The following METTL21A variants were observed in gnomAD, a reference collection of about 807,000 sequenced individuals.
METTL21A encodes the protein protein N-lysine methyltransferase METTL21A.
A neutral mutation model predicts 20.9 loss-of-function variants in METTL21A; 22 were observed. That is an observed-to-expected ratio of 1.05 (90% CI 0.75 to 1.50). The LOEUF (loss-of-function observed/expected upper bound fraction) is 1.50. METTL21A is among the 40% of genes most tolerant of loss of function. METTL21A has a pLI of 0.00. For missense variants in METTL21A, 271 were observed against 266.8 expected, an observed-to-expected ratio of 1.02 and a Z score of -0.11; for synonymous variants, 93 against 102.0, an observed-to-expected ratio of 0.91 and a Z score of 0.53.
At chr2:207,616,717 G>A (rs538452745) in intron 3 of METTL21A, among the ~76,000 whole-genome samples, 4 of 152,198 alleles carry the variant, frequency 2.6e-5, no homozygotes, top group African/African-American at 9.6e-5. Context: ...GTGGTGGCAG[G>A]CGCCTGTAAT....
At chr2:207,595,811 C>G (rs1023390009) in intron 3 of METTL21A, among the ~76,000 whole-genome samples, 1 of 152,192 alleles carries the variant, frequency 6.6e-6, no homozygotes, top group Non-Finnish European at 1.5e-5. Flanking sequence ...TCAAGAGATT[C>G]TCCCACCTCA....
intron 3 of METTL21A, among the ~76,000 whole-genome samples, chr2:207,614,393 A>T (rs553270729): frequency 6.6e-6 from 1 of 151,216 alleles, no homozygotes; most frequent in Non-Finnish European, 1.5e-5. Context: ...AAAAAAAAAA[A>T]ATATCTGGGA....
exon 4 of METTL21A, chr2:207,613,315 C>G (rs748540257): frequency 1.9e-6 from 3 of 1,614,102 alleles, no homozygotes; most frequent in Non-Finnish European, 2.5e-6. Flanking sequence ...GAAAAACTCC[C>G]CAAATTTTGT....
At chr2:207,591,764 CCTT>C (rs906080222) in intron 3 of METTL21A, among the ~76,000 whole-genome samples, 27 of 152,182 alleles carry the variant, frequency 1.8e-4, no homozygotes, top group Middle Eastern at 3.4e-3. Context: ...TAATATATAT[CCTT>C]CTCCATCCTT....
intron 3 of METTL21A, among the ~76,000 whole-genome samples, chr2:207,618,261 A>G (rs531421335): frequency 6.6e-6 from 1 of 152,314 alleles, no homozygotes; most frequent in South Asian, 2.1e-4. Flanking sequence ...TTCTATGGAT[A>G]CAGCAGTTCC....
chr2:207,596,856 C>CCT, intron 3 of METTL21A: 1 of 1,565,722 alleles, frequency 6.4e-7, no homozygotes, highest in Non-Finnish European at 8.6e-7. Flanking sequence ...AAAAGGTAAT[C>CCT]CAAAATAAAT....
intron 3 of METTL21A, chr2:207,620,782 A>C: frequency 8.1e-7 from 1 of 1,239,078 alleles, no homozygotes; most frequent in Admixed American, 2.7e-5. Flanking sequence ...GAATTTTGGA[A>C]AGCAGCAGCT....
intron 3 of METTL21A, among the ~76,000 whole-genome samples, chr2:207,618,700 T>C (rs1223991110): frequency 1.3e-5 from 2 of 150,336 alleles, no homozygotes; most frequent in African/African-American, 2.4e-5. Context: ...AGAGTGAGAC[T>C]CCATCTCAAA....
chr2:207,590,123 A>G (rs941855218), intron 3 of METTL21A, among the ~76,000 whole-genome samples: 2 of 125,928 alleles, frequency 1.6e-5, no homozygotes, highest in Admixed American at 1.9e-4. Context: ...ATACGGGATC[A>G]TTCAGACTAT....
At chr2:207,593,859 C>A (rs2085574451) in intron 3 of METTL21A, among the ~76,000 whole-genome samples, 1 of 151,890 alleles carries the variant, frequency 6.6e-6, no homozygotes, top group Non-Finnish European at 1.5e-5. Context: ...GCTGGGATTA[C>A]AGGCACCTGC....
intron 3 of METTL21A, among the ~76,000 whole-genome samples, chr2:207,618,695 G>C (rs1289844205): frequency 1.3e-5 from 2 of 150,796 alleles, no homozygotes; most frequent in Non-Finnish European, 3.0e-5. Flanking sequence ...GTGACAGAGT[G>C]AGACTCCATC....
intron 3 of METTL21A, among the ~76,000 whole-genome samples, chr2:207,589,395 A>G (rs2084531384): frequency 6.6e-6 from 1 of 152,084 alleles, no homozygotes; most frequent in African/African-American, 2.4e-5. Flanking sequence ...TTCTACTTTT[A>G]AGAATGCTTG....
intron 2 of METTL21A, among the ~76,000 whole-genome samples, chr2:207,622,974 C>G (rs2090677908): frequency 6.6e-6 from 1 of 151,176 alleles, no homozygotes; most frequent in Non-Finnish European, 1.5e-5. Context: ...GTGGTGCAAT[C>G]CCAGCTCCCT....
intron 3 of METTL21A, among the ~76,000 whole-genome samples, chr2:207,594,918 CA>C (rs1389529466): frequency 1.3e-5 from 2 of 151,748 alleles, no homozygotes; most frequent in Non-Finnish European, 2.9e-5. Context: ...TGATAGTAGC[CA>C]TCCTAATGGT....
intron 3 of METTL21A, among the ~76,000 whole-genome samples, chr2:207,616,300 C>T (rs2089727725): frequency 6.6e-6 from 1 of 152,234 alleles, no homozygotes; most frequent in Non-Finnish European, 1.5e-5. Flanking sequence ...GAGTCATCTG[C>T]ACATCACCTC....
intron 3 of METTL21A, among the ~76,000 whole-genome samples, chr2:207,591,022 A>G (rs1387384032): frequency 1.3e-5 from 2 of 152,186 alleles, no homozygotes; most frequent in East Asian, 3.8e-4. Context: ...CAAATAATCG[A>G]GGATCTTCCC....
exon 2 of METTL21A, chr2:207,624,275 C>A (rs766922472): frequency 1.2e-6 from 2 of 1,613,322 alleles, no homozygotes; most frequent in Non-Finnish European, 1.7e-6. Flanking sequence ...CCAGTCCTGC[C>A]GGATCTGGAT....
At chr2:207,590,066 G>A in intron 3 of METTL21A, among the ~76,000 whole-genome samples, 1 of 110,950 alleles carries the variant, frequency 9.0e-6, no homozygotes, top group East Asian at 3.4e-4. Context: ...TAGGCCTGGA[G>A]TTTTCTATTT....
chr2:207,583,889 C>T (rs1233643877), intron 3 of METTL21A, among the ~76,000 whole-genome samples: 1 of 152,228 alleles, frequency 6.6e-6, no homozygotes, highest in Non-Finnish European at 1.5e-5. Context: ...CCTTATAGTT[C>T]TGCCTATTCC....
Sources: allele counts gnomAD v4.1 joint callset (sites outside exome capture counted in the v4.1 genomes callset), GRCh38; gene constraint gnomAD v4.1.1; transcripts MANE v1.5; gene names NCBI Gene and HGNC (gene_info 2026-07-23, HGNC 2026-07-21).